The following CDH9 variants were observed in gnomAD, a reference collection of about 807,000 sequenced individuals.
CDH9 encodes the protein cadherin 9.
CDH9 carries 28 observed loss-of-function variants against 70.9 expected under a neutral mutation model. The ratio of observed to expected loss-of-function variants is 0.40; its 90% confidence interval spans 0.29 to 0.54. The LOEUF is 0.54. Among genes scored for constraint, CDH9 ranks in the 20% least tolerant of loss-of-function variants. The pLI is 0.59. For missense variants in CDH9, 874 were observed against 984.4 expected (o/e 0.89, Z 1.50); for synonymous variants, 409 against 343.1 (o/e 1.19, Z -2.12).
chr5:26,974,204 T>C (rs1181042659), intron 2 of CDH9, among the ~76,000 whole-genome samples: 1 of 152,102 alleles, frequency 6.6e-6, no homozygotes, highest in Non-Finnish European at 1.5e-5. Flanking sequence ...ATTGCGCCAC[T>C]GCACTTCAGC....
chr5:27,033,632 AAAAAAAC>A (rs957796154), intron 1 of CDH9, among the ~76,000 whole-genome samples: 2 of 151,526 alleles, frequency 1.3e-5, no homozygotes, highest in African/African-American at 4.8e-5. Context: ...TTAAAATTTA[AAAAAAAC>A]AAAAAACAAA....
chr5:26,967,089 C>T (rs1471350163), intron 2 of CDH9, among the ~76,000 whole-genome samples: 5 of 151,974 alleles, frequency 3.3e-5, no homozygotes, highest in African/African-American at 1.2e-4. Flanking sequence ...TGCCACACCA[C>T]GCCTGGCTAA....
intron 2 of CDH9, among the ~76,000 whole-genome samples, chr5:26,953,500 C>A (rs1292437032): frequency 1.3e-5 from 2 of 152,192 alleles, no homozygotes; most frequent in Admixed American, 1.3e-4. Context: ...GACAAGACAA[C>A]CATGTGTAAT....
chr5:27,014,642 C>A (rs868701839), intron 1 of CDH9, among the ~76,000 whole-genome samples: 21 of 151,508 alleles, frequency 1.4e-4, no homozygotes, highest in Non-Finnish European at 2.4e-4. Context: ...ACTTATATAC[C>A]AGATAAACAT....
intron 1 of CDH9, among the ~76,000 whole-genome samples, chr5:26,994,877 ATCTT>A (rs1742641357): frequency 6.6e-6 from 1 of 152,054 alleles, no homozygotes; most frequent in Admixed American, 6.6e-5. Flanking sequence ...ACCTGCATCT[ATCTT>A]ATCTCGCTCA....
At chr5:27,023,201 T>A (rs1743168986) in intron 1 of CDH9, among the ~76,000 whole-genome samples, 1 of 152,018 alleles carries the variant, frequency 6.6e-6, no homozygotes, top group Admixed American at 6.6e-5. Context: ...TATGGTGGAG[T>A]GTAATTCCAC....
intron 2 of CDH9, among the ~76,000 whole-genome samples, chr5:26,963,038 T>C (rs1305926765): frequency 2.0e-5 from 3 of 152,176 alleles, no homozygotes; most frequent in Non-Finnish European, 2.9e-5. Context: ...TATAAAAGAA[T>C]GTTAAAAAAT....
At chr5:26,974,551 G>A (rs1742273202) in intron 2 of CDH9, among the ~76,000 whole-genome samples, 1 of 152,142 alleles carries the variant, frequency 6.6e-6, no homozygotes, top group African/African-American at 2.4e-5. Flanking sequence ...GCACTGAACT[G>A]GCTGGTGAGG....
chr5:26,882,926 G>C (rs1439667025), intron 11 of CDH9, among the ~76,000 whole-genome samples: 2 of 150,958 alleles, frequency 1.3e-5, no homozygotes, highest in East Asian at 3.9e-4. Flanking sequence ...TTGGCCAGCA[G>C]ACTTTTCTCA....
At chr5:26,886,398 G>A (rs1258537222) in intron 9 of CDH9, among the ~76,000 whole-genome samples, 1 of 152,008 alleles carries the variant, frequency 6.6e-6, no homozygotes, top group Non-Finnish European at 1.5e-5. Flanking sequence ...TTTTGATATT[G>A]TTGAAAGGCA....
chr5:26,890,606 G>A, intron 7 of CDH9, 42 bp from the exon 8 acceptor site: 3 of 1,465,098 alleles, frequency 2.0e-6, no homozygotes, highest in Non-Finnish European at 2.9e-6. Context: ...TTCTTCTAAG[G>A]TTATTAGTTC....
At chr5:26,990,718 G>A (rs1027769186) in intron 1 of CDH9, among the ~76,000 whole-genome samples, 1 of 152,140 alleles carries the variant, frequency 6.6e-6, no homozygotes, top group Non-Finnish European at 1.5e-5. Context: ...AGAATCTCAA[G>A]GACAGCTGTT....
At chr5:27,027,859 T>A (rs1001585601) in intron 1 of CDH9, among the ~76,000 whole-genome samples, 3 of 152,048 alleles carry the variant, frequency 2.0e-5, no homozygotes, top group African/African-American at 7.2e-5. Context: ...CTGATAAAAT[T>A]GTGTTGTTGA....
chr5:27,018,160 G>A (rs1355218156), intron 1 of CDH9, among the ~76,000 whole-genome samples: 1 of 151,530 alleles, frequency 6.6e-6, no homozygotes, highest in Non-Finnish European at 1.5e-5. Context: ...TATTACAGAT[G>A]GGTTATTTCA....
intron 2 of CDH9, among the ~76,000 whole-genome samples, chr5:26,981,878 T>C (rs1250791422): frequency 6.6e-6 from 1 of 151,364 alleles, no homozygotes; most frequent in South Asian, 2.1e-4. Context: ...TTAGGTTTTT[T>C]AAAATGATTT....
chr5:26,887,578 A>G (rs1740586978), intron 9 of CDH9, among the ~76,000 whole-genome samples: 1 of 152,032 alleles, frequency 6.6e-6, no homozygotes, highest in African/African-American at 2.4e-5. Flanking sequence ...ATAAGTGAGT[A>G]AAGAATATTT....
intron 7 of CDH9, among the ~76,000 whole-genome samples, chr5:26,899,916 G>T (rs1740825527): frequency 6.6e-6 from 1 of 150,754 alleles, no homozygotes; most frequent in African/African-American, 2.4e-5. Context: ...AAAACCAGAA[G>T]TTAGTTTTTT....
chr5:26,996,225 A>C (rs536766285), intron 1 of CDH9, among the ~76,000 whole-genome samples: 18 of 152,182 alleles, frequency 1.2e-4, no homozygotes, highest in African/African-American at 4.3e-4. Flanking sequence ...ATTAATTTTA[A>C]TATTATCATA....
At chr5:26,892,231 A>T (rs1325750896) in intron 7 of CDH9, among the ~76,000 whole-genome samples, 1 of 152,208 alleles carries the variant, frequency 6.6e-6, no homozygotes, top group Non-Finnish European at 1.5e-5. Context: ...AATTTTTTAC[A>T]TCTTTGTGAG....
Sources: allele counts gnomAD v4.1 joint callset (sites outside exome capture counted in the v4.1 genomes callset), GRCh38; gene constraint gnomAD v4.1.1; transcripts MANE v1.5; gene names NCBI Gene and HGNC (gene_info 2026-07-23, HGNC 2026-07-21).